Variants in KCTD19 observed in about 807,000 individuals in gnomAD.
The protein encoded by KCTD19 is BTB/POZ domain-containing protein KCTD19.
KCTD19 carries 67 observed loss-of-function variants against 103.5 expected under a neutral mutation model. That is an observed-to-expected ratio of 0.65 (90% CI 0.53 to 0.79). KCTD19 has a LOEUF of 0.79. Ranked by LOEUF, KCTD19 falls within the 30% of genes least tolerant of loss-of-function variation. The probability of loss-of-function intolerance (pLI) is 0.00; values close to 1 mark genes in which losing one functional copy is unlikely to be tolerated. For missense variants in KCTD19, 980 were observed against 1,136.1 expected (o/e 0.86, Z 1.98); for synonymous variants, 439 against 452.2 (o/e 0.97, Z 0.37).
intron 2 of KCTD19, among the ~76,000 whole-genome samples, chr16:67,307,614 C>T (rs2036908097): frequency 6.6e-6 from 1 of 152,098 alleles, no homozygotes; most frequent in African/African-American, 2.4e-5. Context: ...CCACGCCTGG[C>T]CGACAGCCAG....
rs373584218 is a variant in KCTD19 at position 67,299,531 on chromosome 16, T to G, written c.818A>C (p.Lys273Thr). 3 of 1,613,828 alleles carry G rather than the reference T, an allele frequency of 1.9e-6. No homozygotes were observed. In the African/African-American group the frequency reaches 4.0e-5, roughly 22 times the overall value. Residue 273 changes from lysine to threonine, a missense_variant, in exon 6 of 16, where the codon AAG becomes ACG. Transcript: ENST00000304372. ...PTTCSPLSPG[K>T]GARTASLESV... is the part of the protein sequence containing the mutation. The stretch of plus-strand genomic sequence containing the variant: ...CTCCAGGCTGGCTGTGCGGGCCCCC[T>G]TCCCGGGGCTCAGGGGAGAACAGGT...
chr16:67,290,775 C>G, intron 15 of KCTD19, 110 bp downstream of exon 15: 1 of 953,264 alleles, frequency 1.0e-6, no homozygotes, highest in East Asian at 2.7e-5. Context: ...CCTAAGCTGC[C>G]TGTCTAGCCT....
At chr16:67,322,989 T>G (rs1046736996) in intron 1 of KCTD19, among the ~76,000 whole-genome samples, 1 of 151,918 alleles carries the variant, frequency 6.6e-6, no homozygotes, top group Non-Finnish European at 1.5e-5. Flanking sequence ...GAAATGCAAA[T>G]CAAAACCCAC....
chr16:67,311,186 G>T (rs975521999), intron 2 of KCTD19, among the ~76,000 whole-genome samples: 1 of 152,174 alleles, frequency 6.6e-6, no homozygotes, highest in African/African-American at 2.4e-5. Flanking sequence ...GAGAATACAT[G>T]ATCACAACAG....
In KCTD19 at chr16:67,291,763, G is replaced by C; in HGVS notation, c.2293C>G (p.His765Asp). ...CCATCGCTGCCCACCACGGGGGGGT[G>C]AGTCACTTTGAGGATAACCCCTAGG... ...DSLGVILKVTHPPVVGSDGFC... is the reference protein window; with the variant it reads ...DSLGVILKVTDPPVVGSDGFC... The change falls in exon 13 of 16, where the codon CAC becomes GAC. Residue 765 changes from histidine to aspartate, a missense_variant. Transcript: ENST00000304372. The C allele has an allele frequency of 6.2e-7, 1 of 1,614,012 alleles. No homozygotes were observed. Among genetic ancestry groups the C allele is most frequent in the Non-Finnish European group, 8.5e-7 (1 of 1,179,898 alleles).
At chr16:67,292,743 C>G (rs967183568) in intron 12 of KCTD19, among the ~76,000 whole-genome samples, 2 of 152,216 alleles carry the variant, frequency 1.3e-5, no homozygotes, top group Non-Finnish European at 2.9e-5. Context: ...TACACAAGCT[C>G]TCTCTCCAGT....
chr16:67,316,171 A>G (rs1356030431), intron 2 of KCTD19, among the ~76,000 whole-genome samples: 1 of 151,966 alleles, frequency 6.6e-6, no homozygotes, highest in African/African-American at 2.4e-5. Flanking sequence ...TCTCCTGAGT[A>G]GCTGGGACCA....
Position 67,320,648 on chromosome 16 carries a change from C to T in KCTD19, c.241G>A (p.Ala81Thr), listed in dbSNP as rs1341092128. The T allele has an allele frequency of 6.2e-7, 1 of 1,614,214 alleles. No homozygotes were observed. Among genetic ancestry groups the T allele is most frequent in the Non-Finnish European group, 8.5e-7 (1 of 1,180,040 alleles). Residue 81 changes from alanine (A) to threonine (T), a missense_variant, in exon 2 of 16, where the codon GCA (alanine) becomes ACA (threonine). By Grantham distance (58) the Ala-to-Thr change is moderately conservative. Coordinates refer to ENST00000304372, the MANE Select transcript of KCTD19 (RefSeq NM_001100915.3). This position sits in a 1 kb window ranked among gnomAD's most constrained non-coding sequence, Gnocchi z 4.0. ...TGCTCATACAGCAAGTTCAGTTCTG[C>T]ACAACTGGAGAAGGAGAGTTTGGAG... ...YTSKLSFSSC[A>T]ELNLLYEQAL...
At chr16:67,314,880 G>T (rs574943017) in intron 2 of KCTD19, among the ~76,000 whole-genome samples, 2 of 144,368 alleles carry the variant, frequency 1.4e-5, no homozygotes, top group Non-Finnish European at 3.0e-5. Context: ...GAGAGGGGAA[G>T]GGTCTTGCTT....
At position 67,291,757 on chromosome 16, in the gene KCTD19, G is replaced by C. The variant is rs566969405; in HGVS notation, c.2299C>G (p.Pro767Ala). ...LGVILKVTHP[P>A]VVGSDGFCMF... ...CAGAAGCCATCGCTGCCCACCACGG[G>C]GGGGTGAGTCACTTTGAGGATAACC... Residue 767 changes from proline to alanine, a missense_variant, in exon 13 of 16, where the codon CCC becomes GCC. Pro to Ala is a conservative substitution (Grantham distance 27). Transcript: ENST00000304372. 6.8e-6 allele frequency: 11 copies of C among 1,614,114 alleles called. No individual in the cohort carries two copies. Among genetic ancestry groups the C allele is most frequent in the Admixed American group, 6.7e-5 (4 of 60,024 alleles).
intron 1 of KCTD19, 102 bp downstream of exon 1, chr16:67,326,603 C>A: frequency 6.7e-7 from 1 of 1,488,152 alleles, no homozygotes; most frequent in South Asian, 1.2e-5. Flanking sequence ...CTCCCATGCC[C>A]CAGAGCCAGG....
rs148406985 is a variant in KCTD19 at position 67,293,129 on chromosome 16, G to A, written c.2218+415C>T. ...CATCCTGGTCAGAATGGAGTACCACGTCCTGAAGCTGGCCCACGAGGCCTG... is the reference window on the plus strand; with the variant it reads ...CATCCTGGTCAGAATGGAGTACCACATCCTGAAGCTGGCCCACGAGGCCTG... On this transcript the variant is annotated intron_variant, in intron 12 of 15. Coordinates refer to ENST00000304372, the MANE Select transcript of KCTD19 (RefSeq NM_001100915.3). The surrounding 1 kb of genome is among the most constrained non-coding windows in gnomAD (Gnocchi z 4.0). 1.9e-3 allele frequency among the ~76,000 whole-genome samples: 294 copies of A among 152,286 alleles called. 2 individuals are homozygous for A. Among genetic ancestry groups the A allele is most frequent in the Middle Eastern group, 3.4e-3 (1 of 294 alleles).
In KCTD19 at chr16:67,294,032, C is replaced by G; in HGVS notation, c.1730G>C (p.Arg577Pro). The G allele has an allele frequency of 6.2e-7, 1 of 1,614,178 alleles. No individual in the cohort carries two copies. Residue 577 changes from arginine to proline, a missense_variant, in exon 12 of 16, where the codon CGA becomes CCA. By Grantham distance (103) the Arg-to-Pro change is moderately radical (BLOSUM62 -2). Transcript: ENST00000304372. ...YTRPIQVSLC[R>P]NAKRAGNPST... ...AGGGTTGCCAGCCCTCTTGGCATTT[C>G]GGCATAGGGACACCTGGATGGGCCG...
At chr16:67,302,048 T>A in intron 4 of KCTD19, 126 bp from the exon 5 acceptor site, 1 of 798,286 alleles carries the variant, frequency 1.3e-6, no homozygotes, top group Non-Finnish European at 2.1e-6. Context: ...AAACAACTTA[T>A]CAACATACCT....
In KCTD19 at chr16:67,303,229, C is replaced by T. The variant is rs1357483560; in HGVS notation, c.560G>A (p.Ser187Asn). The T allele has an allele frequency of 1.2e-6, 2 of 1,613,900 alleles. No homozygotes were observed. The highest frequency in any genetic ancestry group is 2.2e-5 in the East Asian group (1 of 44,884). Reference sequence around the variant, plus strand: ...CAGCAGGTTGTCTTCAGTCACTAGGCTGGGATATTTGGCCACCAGGTCTAG... The same window carrying T: ...CAGCAGGTTGTCTTCAGTCACTAGGTTGGGATATTTGGCCACCAGGTCTAG... ...LPLDLVAKYP[S>N]LVTEDNLLWL... is the part of the protein sequence containing the mutation. Residue 187 changes from serine (S) to asparagine (N), a missense_variant, in exon 4 of 16, where the codon AGC (serine) becomes AAC (asparagine). By Grantham distance (46) the Ser-to-Asn change is conservative (BLOSUM62 1). Coordinates refer to ENST00000304372, the MANE Select transcript of KCTD19 (RefSeq NM_001100915.3). The surrounding 1 kb of genome is among the most constrained non-coding windows in gnomAD (Gnocchi z 4.3).
chr16:67,314,726 C>G (rs1465828634), intron 2 of KCTD19, among the ~76,000 whole-genome samples: 1 of 149,546 alleles, frequency 6.7e-6, no homozygotes, highest in Admixed American at 6.7e-5. Flanking sequence ...CTGTGTCTAT[C>G]TTCTATACAT....
At chr16:67,294,928 A>G (rs541694257) in intron 10 of KCTD19, 45 bp downstream of exon 10, 6 of 1,463,168 alleles carry the variant, frequency 4.1e-6, no homozygotes, top group Non-Finnish European at 5.8e-6. Context: ...AGAGGAATTT[A>G]AAGGACCAAA....
intron 7 of KCTD19, 123 bp downstream of exon 7, chr16:67,297,380 T>A: frequency 1.0e-6 from 1 of 984,892 alleles, no homozygotes; most frequent in South Asian, 1.7e-5. Context: ...ATCCAAAATA[T>A]TGGCCTGGCT....
At chr16:67,317,993 G>A (rs1170696900) in intron 2 of KCTD19, among the ~76,000 whole-genome samples, 1 of 152,180 alleles carries the variant, frequency 6.6e-6, no homozygotes, top group Non-Finnish European at 1.5e-5. Flanking sequence ...GTGGGAAAGT[G>A]GTGGAAATGT....
Sources: gnomAD v4.1 joint callset for allele counts (sites outside exome capture counted in the v4.1 genomes callset) on GRCh38, gnomAD v4.1.1 for gene constraint, Gnocchi (gnomAD v3.1) non-coding constraint, MANE v1.5 for transcripts, NCBI Gene and HGNC (gene_info 2026-07-23, HGNC 2026-07-21) for gene names.